UBE4B: variants seen among roughly 807,000 people sequenced by gnomAD.
UBE4B encodes the protein ubiquitination factor E4B.
Under a neutral mutation model 148.1 loss-of-function variants are expected in UBE4B, and 27 were observed. The ratio of observed to expected loss-of-function variants is 0.18; its 90% CI spans 0.13 to 0.25. UBE4B has a LOEUF of 0.25. UBE4B is among the 10% of genes least tolerant of loss of function. UBE4B has a pLI of 1.00. For synonymous variants in UBE4B, 596 were observed against 619.3 expected (o/e 0.96, Z 0.56); for missense variants, 1,170 against 1,662.4 (o/e 0.70, Z 5.15).
chr1:10,072,193 A>T lies in UBE4B; in HGVS notation c.190A>T (p.Thr64Ser). Residue 64 changes from threonine (T) to serine (S), a missense_variant, in exon 2 of 28, where the codon ACC (threonine) becomes TCC (serine). Around this residue, in one of 6 missense-constraint regions of UBE4B, gnomAD observed 127 missense variants for 153.2 expected, o/e 0.83. Transcript: ENST00000343090. Reference sequence around the variant, plus strand: ...CAATGTCCACAACATGACCCCAGCTACCTCCCCAATAGGTGCATCAGGTAA... The same window carrying T: ...CAATGTCCACAACATGACCCCAGCTTCCTCCCCAATAGGTGCATCAGGTAA... ...GLNVHNMTPA[T>S]SPIGASGVAH... 1 of 1,612,952 alleles carries T rather than the reference A, an allele frequency of 6.2e-7. No individual in the cohort carries two copies. The highest frequency in any genetic ancestry group is 1.1e-5 in the South Asian group (1 of 90,956).
In UBE4B at chr1:10,173,354, C is replaced by T. The variant is rs529085845; in HGVS notation, c.3525+2025C>T. Among the ~76,000 whole-genome samples, 7 of 151,572 alleles carry T rather than the reference C, an allele frequency of 4.6e-5. No individual in the cohort carries two copies. The East Asian group carries it at 1.4e-3, about 29-fold the overall frequency. On this transcript the variant is annotated intron_variant, in intron 25 of 27. Transcript: ENST00000343090. ...AAAATTAGCCGGGCGTGGTGGCGGG[C>T]GCCTGTAGTCCCAGCTACTCGGGAG...
chr1:10,143,129 G>A (rs1242715025), intron 17 of UBE4B, among the ~76,000 whole-genome samples: 3 of 151,970 alleles, frequency 2.0e-5, no homozygotes, highest in Non-Finnish European at 4.4e-5. Context: ...ACAAGGCTGG[G>A]CACGTGTCTG....
At chr1:10,114,586 A>G (rs1176319732) in intron 7 of UBE4B, among the ~76,000 whole-genome samples, 1 of 152,148 alleles carries the variant, frequency 6.6e-6, no homozygotes, top group East Asian at 1.9e-4. Context: ...ATAATTGGCC[A>G]GGTGCTGTGG....
At chr1:10,100,603 G>A (rs938393175) in intron 3 of UBE4B, among the ~76,000 whole-genome samples, 12 of 152,208 alleles carry the variant, frequency 7.9e-5, no homozygotes, top group African/African-American at 2.9e-4. Flanking sequence ...TGCCCAGGCT[G>A]GAGTGCAATG....
intron 1 of UBE4B, among the ~76,000 whole-genome samples, chr1:10,052,924 A>T (rs1238403908): frequency 6.6e-6 from 1 of 152,154 alleles, no homozygotes; most frequent in African/African-American, 2.4e-5. Flanking sequence ...TGGTTCATAG[A>T]TACCTGTTTT....
At position 10,033,632 on chromosome 1, in the gene UBE4B, G is replaced by C; in HGVS notation, c.-39G>C. On this transcript the variant is annotated 5_prime_UTR_variant, in exon 1 of 28. Transcript: ENST00000343090. Reference sequence around the variant, plus strand: ...CCCGCCGTGGTCTCGAGAACAGAAGGATCTCTCCTTAACGCCTTTCACCAT... The same window carrying C: ...CCCGCCGTGGTCTCGAGAACAGAAGCATCTCTCCTTAACGCCTTTCACCAT... 2.0e-6 allele frequency: 3 copies of C among 1,525,616 alleles called. No homozygotes were observed. Among genetic ancestry groups the C allele is most frequent in the Non-Finnish European group, 2.6e-6 (3 of 1,135,472 alleles). The allele number at this position is 1,525,616 out of a possible 1,614,324, so 94.5% of individuals were successfully genotyped here.
Position 10,168,992 on chromosome 1 carries a change from C to G in UBE4B, c.3333+722C>G, listed in dbSNP as rs957561960. ...TTGAGACCGTGTAAAATCTTTGGCT[C>G]TCTTAGCTGTACCTTTGTTACACTC... On this transcript the variant is annotated intron_variant, in intron 24 of 27. Coordinates refer to ENST00000343090, the MANE Select transcript of UBE4B (RefSeq NM_001105562.3). This position sits in a 1 kb window ranked among gnomAD's most constrained non-coding sequence, Gnocchi z 4.9. Among the ~76,000 whole-genome samples, 2 of 152,106 alleles carry G rather than the reference C, an allele frequency of 1.3e-5. No homozygotes were observed. The highest frequency in any genetic ancestry group is 4.8e-5 in the African/African-American group (2 of 41,416).
chr1:10,070,319 CATATAAACTATGAA>C (rs1570820584), intron 1 of UBE4B, among the ~76,000 whole-genome samples: 2 of 150,448 alleles, frequency 1.3e-5, no homozygotes, highest in East Asian at 3.9e-4. Flanking sequence ...CTATATTTAA[CATATAAACTATGAA>C]GAAGAATAAG....
chr1:10,103,317 G>A (rs1287761153), intron 5 of UBE4B: 1 of 327,304 alleles, frequency 3.1e-6, no homozygotes, highest in East Asian at 4.8e-5. Flanking sequence ...ATAATACTAT[G>A]TAAATAGGTT....
Position 10,122,095 on chromosome 1 carries a change from G to C in UBE4B, c.1554+19G>C. On this transcript the variant is annotated intron_variant, in intron 10 of 27. Transcript: ENST00000343090. ...CAAGCAGGTACGGTCGTATGAGTTT[G>C]CTCTTGCAAATTTTAGCCTGAGAGC... The C allele has an allele frequency of 6.4e-7, 1 of 1,565,660 alleles. No homozygotes were observed. Among genetic ancestry groups the C allele is most frequent in the South Asian group, 1.2e-5 (1 of 86,620 alleles).
In UBE4B at chr1:10,103,097, G is replaced by GA; in HGVS notation, c.580+7dup. The GA allele has an allele frequency of 6.3e-7, 1 of 1,599,440 alleles. No individual in the cohort carries two copies. Among genetic ancestry groups the GA allele is most frequent in the African/African-American group, 1.3e-5 (1 of 74,786 alleles). On this transcript the variant is annotated splice_donor_region_variant and intron_variant, in intron 5 of 27. Coordinates refer to ENST00000343090, the MANE Select transcript of UBE4B (RefSeq NM_001105562.3). ...TTAAGCAGAACCCAAAAGAAGGTAG[G>GA]AATCTAGCTCAGCAGTCTTACTGCA...
chr1:10,130,704 T>A lies in UBE4B; in HGVS notation c.1813-11T>A. Reference sequence around the variant, plus strand: ...TTATATGTTGACTGCATTTTTTCCTTCTCTTTCCAGGTTAAAGTGGTTGAA... The same window carrying A: ...TTATATGTTGACTGCATTTTTTCCTACTCTTTCCAGGTTAAAGTGGTTGAA... On this transcript the variant is annotated splice_polypyrimidine_tract_variant and intron_variant, in intron 13 of 27. Transcript: ENST00000343090. 1 of 1,614,000 alleles carries A rather than the reference T, an allele frequency of 6.2e-7. No individual in the cohort carries two copies. Among genetic ancestry groups the A allele is most frequent in the South Asian group, 1.1e-5 (1 of 91,068 alleles).
At chr1:10,136,309 C>G (rs1645681993) in intron 16 of UBE4B, among the ~76,000 whole-genome samples, 1 of 151,588 alleles carries the variant, frequency 6.6e-6, no homozygotes, top group Non-Finnish European at 1.5e-5. Flanking sequence ...CCCATGTCTA[C>G]AAAGAAAAAA....
At chr1:10,117,090 A>G (rs1249003986) in intron 7 of UBE4B, among the ~76,000 whole-genome samples, 2 of 152,290 alleles carry the variant, frequency 1.3e-5, no homozygotes, top group South Asian at 2.1e-4. Context: ...AAAGAGTTTG[A>G]TTACAGCAGT....
chr1:10,166,975 A>C (rs926357103), intron 23 of UBE4B, among the ~76,000 whole-genome samples: 2,193 of 125,448 alleles, frequency 0.017, 54 homozygotes, highest in African/African-American at 0.064. Context: ...ACACACAAAA[A>C]AAAAAAATTA....
intron 7 of UBE4B, among the ~76,000 whole-genome samples, chr1:10,112,181 A>C (rs1208036878): frequency 1.3e-5 from 2 of 152,142 alleles, no homozygotes; most frequent in South Asian, 2.1e-4. Flanking sequence ...TATTATGTGA[A>C]GTAATTACTT....
At chr1:10,040,855 G>T (rs1199594711) in intron 1 of UBE4B, among the ~76,000 whole-genome samples, 2 of 151,748 alleles carry the variant, frequency 1.3e-5, no homozygotes, top group Non-Finnish European at 2.9e-5. Flanking sequence ...CTTGACCTTA[G>T]GTGATCTGCC....
chr1:10,085,742 C>G (rs1188062795), intron 2 of UBE4B, among the ~76,000 whole-genome samples: 1 of 152,070 alleles, frequency 6.6e-6, no homozygotes, highest in African/African-American at 2.4e-5. Context: ...GCATTTGATG[C>G]AGCCACCATA....
At chr1:10,131,484 C>CA (rs1645592529) in intron 14 of UBE4B, among the ~76,000 whole-genome samples, 5 of 151,372 alleles carry the variant, frequency 3.3e-5, no homozygotes, top group South Asian at 4.2e-4. Context: ...GACTCCATCT[C>CA]AAAAAAAAGA....
Sources: allele counts gnomAD v4.1 joint callset (sites outside exome capture counted in the v4.1 genomes callset), GRCh38; gene constraint gnomAD v4.1.1; regional missense constraint gnomAD v4.1.1; non-coding constraint Gnocchi (gnomAD v3.1); transcripts MANE v1.5; gene names NCBI Gene and HGNC (gene_info 2026-07-23, HGNC 2026-07-21).